The following RBPJ variants were observed in gnomAD, a reference collection of about 807,000 sequenced individuals.
RBPJ encodes the protein recombining binding protein suppressor of hairless.
Under a neutral mutation model 67.8 loss-of-function variants are expected in RBPJ, and 9 were observed. The observed-to-expected ratio is 0.13, with a 90% confidence interval of 0.08 to 0.23. The LOEUF is 0.23. Ranked by LOEUF, RBPJ falls within the 10% of genes least tolerant of loss-of-function variation. RBPJ has a pLI of 1.00. For missense variants in RBPJ, 305 were observed against 595.6 expected (o/e 0.51, Z 5.08); for synonymous variants, 198 against 203.3 (o/e 0.97, Z 0.22).
At chr4:26,215,413 A>G (rs1166093325) in intron 1 of RBPJ, among the ~76,000 whole-genome samples, 1 of 68,684 alleles carries the variant, frequency 1.5e-5, no homozygotes, top group East Asian at 7.6e-4. Flanking sequence ...GGGGGGAAGG[A>G]AGGAAGGGAG....
chr4:26,133,788 CA>C, the RBPJ span, among the ~76,000 whole-genome samples: 1 of 150,958 alleles, frequency 6.6e-6, no homozygotes, highest in South Asian at 2.1e-4. Flanking sequence ...TCCCTAGTGT[CA>C]AAAAGGTGGA....
the RBPJ span, among the ~76,000 whole-genome samples, chr4:26,153,836 A>G: frequency 6.6e-6 from 1 of 152,170 alleles, no homozygotes; most frequent in Non-Finnish European, 1.5e-5. Flanking sequence ...CCACCTGTGC[A>G]TCGTGTGAGA....
At chr4:26,388,948 G>C (rs1473341767) in intron 2 of RBPJ, among the ~76,000 whole-genome samples, 1 of 152,166 alleles carries the variant, frequency 6.6e-6, no homozygotes, top group African/African-American at 2.4e-5. Flanking sequence ...TAAGCTGGGT[G>C]CTGTGGTTCA....
At chr4:26,172,115 C>G (rs777541077) in intron 1 of RBPJ, among the ~76,000 whole-genome samples, 2 of 152,090 alleles carry the variant, frequency 1.3e-5, no homozygotes, top group Non-Finnish European at 2.9e-5. Flanking sequence ...ATGATATCAT[C>G]CAGGAAACAT....
chr4:26,329,710 C>T (rs1033719090), intron 1 of RBPJ, among the ~76,000 whole-genome samples: 5 of 151,894 alleles, frequency 3.3e-5, no homozygotes, highest in Admixed American at 6.6e-5. Context: ...CTGGCTAACA[C>T]GGTGAAACCC....
At chr4:26,405,917 T>G (rs1384953537) in intron 2 of RBPJ, among the ~76,000 whole-genome samples, 1 of 152,230 alleles carries the variant, frequency 6.6e-6, no homozygotes, top group African/African-American at 2.4e-5. Flanking sequence ...AGTTACATCA[T>G]AAATTCCAAA....
intron 2 of RBPJ, among the ~76,000 whole-genome samples, chr4:26,403,119 T>G (rs1324195537): frequency 6.6e-6 from 1 of 152,152 alleles, no homozygotes; most frequent in Non-Finnish European, 1.5e-5. Context: ...CTTAATGAGA[T>G]CTCTCATTGC....
chr4:26,249,809 G>A (rs1720045891), intron 1 of RBPJ, among the ~76,000 whole-genome samples: 1 of 128,010 alleles, frequency 7.8e-6, no homozygotes, highest in African/African-American at 3.0e-5. Flanking sequence ...TTTTTTTTGA[G>A]ATGGAGTTTT....
At chr4:26,141,717 C>T in the RBPJ span, among the ~76,000 whole-genome samples, 1 of 152,158 alleles carries the variant, frequency 6.6e-6, no homozygotes, top group South Asian at 2.1e-4. Context: ...TATAGTTACC[C>T]TACAGAGCTA....
the RBPJ span, among the ~76,000 whole-genome samples, chr4:26,139,539 C>G: frequency 1.3e-5 from 2 of 152,358 alleles, no homozygotes; most frequent in South Asian, 2.1e-4. Context: ...CTGTGTCCCC[C>G]CTGGGGCTGT....
chr4:26,174,258 A>T (rs1436321998), intron 1 of RBPJ, among the ~76,000 whole-genome samples: 1 of 152,110 alleles, frequency 6.6e-6, no homozygotes, highest in African/African-American at 2.4e-5. Context: ...CTGCTTCCTT[A>T]TCTCTAAAAT....
intron 1 of RBPJ, among the ~76,000 whole-genome samples, chr4:26,257,678 C>A (rs941524979): frequency 5.9e-5 from 9 of 152,158 alleles, no homozygotes; most frequent in African/African-American, 2.2e-4. Context: ...ATATGCTGCC[C>A]CTCTATGCTA....
rs187438638 is a variant in RBPJ at position 26,202,666 on chromosome 4, G to C, written c.-167+39052G>C. Among the ~76,000 whole-genome samples the C allele has an allele frequency of 1.4e-4, 22 of 152,078 alleles. No homozygotes were observed. In the East Asian group the frequency reaches 2.0e-3, roughly 14 times the overall value. On this transcript the variant is annotated intron_variant, in intron 1 of 4. Coordinates refer to the RBPJ transcript ENST00000512351. ...TCATACCTGTAATCCCAGCACTTTG[G>C]GGGGGCCAAAGGGGACAGATCTCTT... is the stretch of plus-strand genomic sequence containing the variant.
intron 1 of RBPJ, among the ~76,000 whole-genome samples, chr4:26,296,595 T>C (rs949740266): frequency 7.2e-5 from 11 of 152,226 alleles, no homozygotes; most frequent in African/African-American, 2.2e-4. Context: ...CTTTGATGAA[T>C]AACAAATAGT....
At chr4:26,177,501 C>G (rs575168110) in intron 1 of RBPJ, among the ~76,000 whole-genome samples, 1 of 151,924 alleles carries the variant, frequency 6.6e-6, no homozygotes, top group Non-Finnish European at 1.5e-5. Flanking sequence ...CGCTTGAACC[C>G]GAGAGGTGGA....
the RBPJ span, among the ~76,000 whole-genome samples, chr4:26,136,442 G>A: frequency 6.6e-6 from 1 of 152,178 alleles, no homozygotes; most frequent in Non-Finnish European, 1.5e-5. Context: ...CTCCTGCCAT[G>A]GCGTGGAAAT....
chr4:26,266,739 G>A (rs986338267), intron 1 of RBPJ, among the ~76,000 whole-genome samples: 3 of 152,116 alleles, frequency 2.0e-5, no homozygotes, highest in Non-Finnish European at 2.9e-5. Flanking sequence ...AGCATGTCCT[G>A]AGCCCCATTA....
the RBPJ span, among the ~76,000 whole-genome samples, chr4:26,111,269 A>G: frequency 7.9e-5 from 12 of 151,954 alleles, no homozygotes; most frequent in Admixed American, 7.2e-4. Flanking sequence ...CCCAAGCTCT[A>G]GGAGACTCTT....
intron 1 of RBPJ, among the ~76,000 whole-genome samples, chr4:26,223,859 C>T (rs1238768597): frequency 1.3e-5 from 2 of 152,222 alleles, no homozygotes; most frequent in Admixed American, 1.3e-4. Context: ...AGGATCATCA[C>T]ATTATCATAA....
Sources: gnomAD v4.1 joint callset for allele counts (sites outside exome capture counted in the v4.1 genomes callset) on GRCh38, gnomAD v4.1.1 for gene constraint, MANE v1.5 for transcripts, NCBI Gene and HGNC (gene_info 2026-07-23, HGNC 2026-07-21) for gene names.